GRIP1: variants seen among roughly 807,000 people sequenced by gnomAD.
GRIP1 encodes glutamate receptor interacting protein 1.
Under a neutral mutation model 129.9 loss-of-function variants are expected in GRIP1, and 45 were observed. The observed-to-expected ratio is 0.35, with a 90% CI of 0.27 to 0.44. The LOEUF (loss-of-function observed/expected upper bound fraction) is 0.44, where lower values mean the gene tolerates loss of function less well. Among genes scored for constraint, GRIP1 ranks in the 20% least tolerant of loss-of-function variants. The pLI, the probability that GRIP1 is intolerant of heterozygous loss-of-function variation, is 1.00. For missense variants in GRIP1, 1,196 were observed against 1,396.8 expected (o/e 0.86, Z 2.29); for synonymous variants, 530 against 520.8 (o/e 1.02, Z -0.24).
intron 1 of GRIP1, among the ~76,000 whole-genome samples, chr12:66,672,359 G>A (rs6581712): frequency 0.7 from 105,931 of 151,948 alleles, 38,049 homozygotes; most frequent in African/African-American, 0.88. Flanking sequence ...GAATTTAGGT[G>A]GTCATCATTG....
intron 1 of GRIP1, among the ~76,000 whole-genome samples, chr12:66,729,806 C>T (rs2036374759): frequency 6.6e-6 from 1 of 152,088 alleles, no homozygotes; most frequent in African/African-American, 2.4e-5. Flanking sequence ...GATCTCCTGA[C>T]CTCGTAATCC....
At chr12:66,806,878 G>A (rs2039004211), upstream of GRIP1, among the ~76,000 whole-genome samples, 1 of 151,634 alleles carries the variant, frequency 6.6e-6, no homozygotes, top group African/African-American at 2.4e-5. Context: ...TATATGAGAT[G>A]TGGTTTGGTG....
At chr12:66,723,544 C>G (rs1486313780) in intron 1 of GRIP1, among the ~76,000 whole-genome samples, 1 of 151,826 alleles carries the variant, frequency 6.6e-6, no homozygotes, top group African/African-American at 2.4e-5. Flanking sequence ...AACTCCTGAC[C>G]TCAGGTGATC....
chr12:66,984,891 A>G (rs1275853641), intron 1 of GRIP1, among the ~76,000 whole-genome samples: 1 of 152,206 alleles, frequency 6.6e-6, no homozygotes, highest in Non-Finnish European at 1.5e-5. Flanking sequence ...AACTACAGCA[A>G]CCATTTTATT....
intron 13 of GRIP1, 63 bp from the exon 14 acceptor site, chr12:66,432,691 A>C: frequency 1.1e-6 from 1 of 885,380 alleles, no homozygotes; most frequent in Non-Finnish European, 1.9e-6. Flanking sequence ...CCCATCAATA[A>C]AAATGCATTA....
chr12:66,641,894 A>G (rs1170757588), intron 1 of GRIP1, among the ~76,000 whole-genome samples: 2 of 152,226 alleles, frequency 1.3e-5, no homozygotes, highest in Non-Finnish European at 2.9e-5. Context: ...AGGACAGAGT[A>G]ATAGTTTTCA....
At chr12:66,979,410 G>T (rs187009558) in intron 1 of GRIP1, among the ~76,000 whole-genome samples, 3 of 151,488 alleles carry the variant, frequency 2.0e-5, no homozygotes, top group Non-Finnish European at 4.4e-5. Context: ...AGTTTATATG[G>T]TAATAGCCCA....
At chr12:66,574,790 T>TTTTTTTTTTTTTTTTTG (rs55885862) in intron 2 of GRIP1, among the ~76,000 whole-genome samples, 1 of 142,148 alleles carries the variant, frequency 7.0e-6, no homozygotes. Flanking sequence ...CACTTTTCTT[T>TTTTTTTTTTTTTTTTTG]TTTTTTTTTT....
chr12:66,645,923 G>A (rs768214268), intron 1 of GRIP1, among the ~76,000 whole-genome samples: 8 of 152,218 alleles, frequency 5.3e-5, no homozygotes, highest in Non-Finnish European at 7.4e-5. Flanking sequence ...CTAGGGCTTC[G>A]GAGGCAGAGA....
At position 66,408,834 on chromosome 12, in the gene GRIP1, G is replaced by A. The variant is rs964995905; in HGVS notation, c.1839-2406C>T. Among the ~76,000 whole-genome samples, 9 of 152,084 alleles carry A rather than the reference G, an allele frequency of 5.9e-5. No individual in the cohort carries two copies. The South Asian group carries it at 8.3e-4, about 14-fold the overall frequency. ...AAGAGTCCCGGCCCTGGCAGCATTC[G>A]CCACAAGCTGACTGAAGAGCCTTTG... is the stretch of plus-strand genomic sequence containing the variant. On this transcript the variant is annotated intron_variant, in intron 15 of 24. Coordinates refer to ENST00000359742, the MANE Select transcript of GRIP1 (RefSeq NM_001366722.1).
chr12:66,734,143 T>C (rs978730719), intron 1 of GRIP1, among the ~76,000 whole-genome samples: 1 of 152,162 alleles, frequency 6.6e-6, no homozygotes, highest in African/African-American at 2.4e-5. Flanking sequence ...TTAATAAAAT[T>C]CCTATTTTAA....
rs1385572943 is a variant in GRIP1, at chr12:66,821,515, T to C, written c.59-224588A>G. 2.6e-5 allele frequency among the ~76,000 whole-genome samples: 4 copies of C among 152,172 alleles called. No individual in the cohort carries two copies. The East Asian group carries it at 7.7e-4, about 29-fold the overall frequency. ...AGAATACTTCTTTAGATTTCTAGCTTAGGTTGAGAAAAGGTTAAACAGATG... is the reference window on the plus strand; with the variant it reads ...AGAATACTTCTTTAGATTTCTAGCTCAGGTTGAGAAAAGGTTAAACAGATG... On this transcript the variant is annotated intron_variant, in intron 1 of 1. Transcript: ENST00000643019.
intron 1 of GRIP1, among the ~76,000 whole-genome samples, chr12:66,755,581 A>G (rs1480016): frequency 0.61 from 92,592 of 152,088 alleles, 28,484 homozygotes; most frequent in East Asian, 0.77. Context: ...CACCTGGGGA[A>G]CTAAGTTTCC....
intron 1 of GRIP1, among the ~76,000 whole-genome samples, chr12:66,810,145 G>A (rs1031853891): frequency 3.9e-5 from 6 of 152,072 alleles, no homozygotes; most frequent in African/African-American, 1.4e-4. Context: ...AGGTAGACAG[G>A]TAGATATCAG....
In GRIP1 at chr12:66,462,942, G is replaced by A; in HGVS notation, c.1024C>T (p.Leu342=). 1 of 1,613,788 alleles carries A rather than the reference G, an allele frequency of 6.2e-7. No homozygotes were observed. Among genetic ancestry groups the A allele is most frequent in the African/African-American group, 1.3e-5 (1 of 75,030 alleles). Residue 342 remains leucine, a synonymous_variant, in exon 9 of 25, where the codon CTA becomes TTA. Transcript: ENST00000359742. ...ILPHHQTRLA[L]KGPDHVKIQR... Reference sequence around the variant, plus strand: ...ATCTCACCATGGTCGGGCCCCTTTAGGGCCAGCCGGGTCTGATGATGGGGA... The same window carrying A: ...ATCTCACCATGGTCGGGCCCCTTTAAGGCCAGCCGGGTCTGATGATGGGGA...
intron 5 of GRIP1, among the ~76,000 whole-genome samples, chr12:66,521,403 T>C (rs1402687837): frequency 6.6e-6 from 1 of 152,234 alleles, no homozygotes; most frequent in East Asian, 1.9e-4. Flanking sequence ...TTTATTAAGA[T>C]GTTTAATTTT....
chr12:66,418,376 T>C (rs1370969778), intron 15 of GRIP1, among the ~76,000 whole-genome samples: 1 of 152,186 alleles, frequency 6.6e-6, no homozygotes, highest in African/African-American at 2.4e-5. Flanking sequence ...GACATTGCTC[T>C]GGGCAAATAT....
chr12:66,528,476 A>G (rs1411859744), intron 5 of GRIP1, among the ~76,000 whole-genome samples: 1 of 152,114 alleles, frequency 6.6e-6, no homozygotes, highest in African/African-American at 2.4e-5. Flanking sequence ...GTCACCTGAA[A>G]TTGTTATTAT....
intron 1 of GRIP1, among the ~76,000 whole-genome samples, chr12:66,959,051 C>T (rs2041885282): frequency 6.6e-6 from 1 of 152,162 alleles, no homozygotes; most frequent in Non-Finnish European, 1.5e-5. Context: ...TCTTTGCCAT[C>T]TGAATCACCT....
Sources: gnomAD v4.1 joint callset for allele counts (sites outside exome capture counted in the v4.1 genomes callset) on GRCh38, gnomAD v4.1.1 for gene constraint, MANE v1.5 for transcripts, NCBI Gene and HGNC (gene_info 2026-07-23, HGNC 2026-07-21) for gene names.